NTN1: variants seen among roughly 807,000 people sequenced by gnomAD.
The protein encoded by NTN1 is netrin-1.
A neutral mutation model predicts 54.2 loss-of-function variants in NTN1; 11 were observed. That is an observed-to-expected ratio of 0.20 (90% CI 0.13 to 0.34). The LOEUF is 0.34. NTN1 is among the 10% of genes least tolerant of loss of function. The probability of loss-of-function intolerance (pLI) is 1.00; values close to 1 mark genes in which losing one functional copy is unlikely to be tolerated. For synonymous variants in NTN1, 371 were observed against 382.0 expected (o/e 0.97, Z 0.33); for missense variants, 740 against 893.1 (o/e 0.83, Z 2.18).
intron 2 of NTN1, among the ~76,000 whole-genome samples, chr17:9,056,441 G>A (rs1346842676): frequency 6.6e-6 from 1 of 152,164 alleles, no homozygotes; most frequent in African/African-American, 2.4e-5. Context: ...GAGGTCTATG[G>A]GAAGCCATGA....
At chr17:9,052,878 G>C (rs1597470791) in intron 2 of NTN1, among the ~76,000 whole-genome samples, 1 of 152,302 alleles carries the variant, frequency 6.6e-6, no homozygotes, top group African/African-American at 2.4e-5. Context: ...CCGGGCAGAG[G>C]GGCCATATCC....
chr17:9,158,791 T>A (rs1394159242), intron 2 of NTN1, among the ~76,000 whole-genome samples: 1 of 152,184 alleles, frequency 6.6e-6, no homozygotes, highest in African/African-American at 2.4e-5. Flanking sequence ...GCAGCCTCTT[T>A]CTTTGCACTT....
At chr17:9,013,617 C>T in the NTN1 span, among the ~76,000 whole-genome samples, 2 of 152,166 alleles carry the variant, frequency 1.3e-5, no homozygotes, top group African/African-American at 2.4e-5. Context: ...TTCCCTGGCC[C>T]ATTCACACAA....
intron 2 of NTN1, among the ~76,000 whole-genome samples, chr17:9,138,320 T>A (rs1026036588): frequency 1.3e-5 from 2 of 152,172 alleles, no homozygotes; most frequent in Non-Finnish European, 2.9e-5. Context: ...TAATGGGGCA[T>A]CAGAGACAAG....
Position 9,049,554 on chromosome 17 carries a change from C to G in NTN1, c.1018+26163C>G, listed in dbSNP as rs2091952995. On this transcript the variant is annotated intron_variant, in intron 2 of 6. Transcript: ENST00000173229. Reference sequence around the variant, plus strand: ...TTGCTTCTGCAGGATTCTTGCTAACCTGAATTTAATTTTGAGGAAATACGA... The same window carrying G: ...TTGCTTCTGCAGGATTCTTGCTAACGTGAATTTAATTTTGAGGAAATACGA... Among the ~76,000 whole-genome samples the G allele has an allele frequency of 2.0e-5, 3 of 152,158 alleles. No homozygotes were observed. In the South Asian group the frequency reaches 6.2e-4, roughly 32 times the overall value.
chr17:9,162,640 T>G (rs570118891), intron 2 of NTN1, among the ~76,000 whole-genome samples, 173 bp from the exon 3 acceptor site: 2 of 152,328 alleles, frequency 1.3e-5, no homozygotes, highest in African/African-American at 4.8e-5. Context: ...CAATAAATGC[T>G]TACGGGTACA....
intron 5 of NTN1, among the ~76,000 whole-genome samples, chr17:9,209,006 C>T (rs1905034600): frequency 6.6e-6 from 1 of 152,274 alleles, no homozygotes; most frequent in African/African-American, 2.4e-5. Flanking sequence ...CATTCACCCT[C>T]CACTCTCAGC....
intron 2 of NTN1, among the ~76,000 whole-genome samples, chr17:9,133,339 C>G (rs1224469683): frequency 1.3e-5 from 2 of 152,208 alleles, no homozygotes; most frequent in Non-Finnish European, 2.9e-5. Flanking sequence ...ACCAGGAGGT[C>G]AGGTGCTCGC....
chr17:9,135,139 G>A lies in NTN1; in HGVS notation c.1019-27674G>A, dbSNP rs141776146. ...TTGTCCCCCAGCCCCTGATGCTCCC[G>A]GCCCATCCTCCCTTCTCTACCCCAT... is the stretch of plus-strand genomic sequence containing the variant. On this transcript the variant is annotated intron_variant, in intron 2 of 6. Transcript: ENST00000173229. This position sits in a 1 kb window ranked among gnomAD's most constrained non-coding sequence, Gnocchi z 4.4. Among the ~76,000 whole-genome samples the A allele has an allele frequency of 2.0e-5, 3 of 152,034 alleles. No individual in the cohort carries two copies. The highest frequency in any genetic ancestry group is 2.1e-4 in the South Asian group (1 of 4,794).
At chr17:9,111,344 G>A (rs1435773018) in intron 2 of NTN1, among the ~76,000 whole-genome samples, 1 of 152,096 alleles carries the variant, frequency 6.6e-6, no homozygotes, top group Admixed American at 6.6e-5. Flanking sequence ...TCTTTTTGGG[G>A]GTCATTATTT....
intron 2 of NTN1, among the ~76,000 whole-genome samples, chr17:9,143,312 G>A (rs572040949): frequency 1.3e-5 from 2 of 152,344 alleles, no homozygotes; most frequent in Non-Finnish European, 2.9e-5. Context: ...TGGGAGGCAT[G>A]AGCCTGGGAA....
At chr17:9,144,325 G>A (rs1053382821) in intron 2 of NTN1, among the ~76,000 whole-genome samples, 8 of 152,018 alleles carry the variant, frequency 5.3e-5, no homozygotes, top group East Asian at 3.9e-4. Context: ...AGTGATCATC[G>A]TAACATCAAC....
intron 2 of NTN1, among the ~76,000 whole-genome samples, chr17:9,085,984 G>T (rs2092088996): frequency 6.6e-6 from 1 of 152,144 alleles, no homozygotes; most frequent in African/African-American, 2.4e-5. Flanking sequence ...TGCAGGAATT[G>T]CCCAGATGGT....
intron 2 of NTN1, among the ~76,000 whole-genome samples, chr17:9,082,579 G>A (rs1037178605): frequency 8.5e-5 from 13 of 152,198 alleles, no homozygotes; most frequent in Admixed American, 7.2e-4. Flanking sequence ...GCATGAGGCA[G>A]AGTGTGGGGC....
rs184587841 is a variant in NTN1, at chr17:9,203,394, C to T, written c.1412-17774C>T. On this transcript the variant is annotated intron_variant, in intron 5 of 6. Transcript: ENST00000173229. ...ACAGATAAGTGGCTCCAGTTTACAACACTTGGAGGTTTCTATCATACCTTC... is the reference window on the plus strand; with the variant it reads ...ACAGATAAGTGGCTCCAGTTTACAATACTTGGAGGTTTCTATCATACCTTC... 2.2e-3 allele frequency among the ~76,000 whole-genome samples: 329 copies of T among 152,338 alleles called. 2 individuals are homozygous for T. The highest frequency in any genetic ancestry group is 7.6e-3 in the African/African-American group (317 of 41,574).
the NTN1 span, among the ~76,000 whole-genome samples, chr17:9,014,287 T>C: frequency 1.3e-5 from 2 of 152,156 alleles, no homozygotes; most frequent in African/African-American, 2.4e-5. Context: ...CTAGATGCCT[T>C]GAAATGAAAG....
At chr17:9,007,910 A>C in the NTN1 span, among the ~76,000 whole-genome samples, 30 of 151,906 alleles carry the variant, frequency 2.0e-4, no homozygotes, top group Admixed American at 8.5e-4. Flanking sequence ...ATTTATTATT[A>C]TTCTTATTAT....
intron 2 of NTN1, among the ~76,000 whole-genome samples, chr17:9,090,689 G>C (rs1185208743): frequency 6.6e-6 from 1 of 152,036 alleles, no homozygotes; most frequent in East Asian, 1.9e-4. Context: ...CTCTGCTTGG[G>C]TACAGAAACC....
At chr17:9,003,537 G>C in the NTN1 span, among the ~76,000 whole-genome samples, 2 of 148,594 alleles carry the variant, frequency 1.3e-5, no homozygotes, top group Non-Finnish European at 3.0e-5. The surrounding 1 kb of genome is among the most constrained non-coding windows in gnomAD (Gnocchi z 7.4). Flanking sequence ...CTGGCCCCGC[G>C]GTCGCGCACG....
Sources: gnomAD v4.1 joint callset for allele counts (sites outside exome capture counted in the v4.1 genomes callset) on GRCh38, gnomAD v4.1.1 for gene constraint, Gnocchi (gnomAD v3.1) non-coding constraint, MANE v1.5 for transcripts, NCBI Gene and HGNC (gene_info 2026-07-23, HGNC 2026-07-21) for gene names.